PRKG1: variants seen among roughly 807,000 people sequenced by gnomAD.
PRKG1 encodes the protein protein kinase cGMP-dependent 1.
PRKG1 carries 35 observed loss-of-function variants against 88.1 expected under a neutral mutation model. That is an observed-to-expected ratio of 0.40 (90% CI 0.30 to 0.53). The LOEUF (loss-of-function observed/expected upper bound fraction) is 0.53, where lower values mean the gene tolerates loss of function less well. Among genes scored for constraint, PRKG1 ranks in the 20% least tolerant of loss-of-function variants. The probability of loss-of-function intolerance (pLI) is 0.59; values close to 1 mark genes in which losing one functional copy is unlikely to be tolerated. For missense variants in PRKG1, 540 were observed against 839.8 expected (o/e 0.64, Z 4.41); for synonymous variants, 303 against 292.5 (o/e 1.04, Z -0.37).
intron 1 of PRKG1, among the ~76,000 whole-genome samples, chr10:51,084,791 A>T (rs1844207692): frequency 6.6e-6 from 1 of 152,200 alleles, no homozygotes; most frequent in Non-Finnish European, 1.5e-5. Context: ...TTATAGTATC[A>T]TCCAGTCAGT....
intron 3 of PRKG1, among the ~76,000 whole-genome samples, chr10:51,481,469 T>C (rs1039365806): frequency 5.3e-5 from 8 of 152,088 alleles, no homozygotes; most frequent in Admixed American, 6.6e-5. Context: ...GGCTAATCTC[T>C]AACCCATGGC....
chr10:51,796,898 A>G lies in PRKG1; in HGVS notation c.593-7687A>G, dbSNP rs113613075. Among the ~76,000 whole-genome samples the G allele has an allele frequency of 3.4e-3, 521 of 152,194 alleles. 5 individuals are homozygous for G. Among genetic ancestry groups the G allele is most frequent in the African/African-American group, 0.012 (506 of 41,564 alleles). On this transcript the variant is annotated intron_variant, in intron 3 of 17. Coordinates refer to ENST00000373980, the MANE Select transcript of PRKG1 (RefSeq NM_006258.4). ...TTCATAAATACCCGCTTATGTGTCT[A>G]TATAGCCTGTTGGTTCTGTTTCTCT... is the stretch of plus-strand genomic sequence containing the variant.
intron 3 of PRKG1, among the ~76,000 whole-genome samples, chr10:51,473,435 A>G (rs1468881364): frequency 6.6e-6 from 1 of 151,860 alleles, no homozygotes; most frequent in African/African-American, 2.4e-5. Context: ...TTACAATCAA[A>G]GTGTATTTAT....
At chr10:52,183,513 G>A (rs1286840331) in intron 9 of PRKG1, among the ~76,000 whole-genome samples, 1 of 152,166 alleles carries the variant, frequency 6.6e-6, no homozygotes, top group Non-Finnish European at 1.5e-5. Flanking sequence ...TAGAAGTGTG[G>A]GTGGCAGGAG....
chr10:51,434,562 T>C (rs966679467), intron 2 of PRKG1, among the ~76,000 whole-genome samples: 1 of 152,108 alleles, frequency 6.6e-6, no homozygotes, highest in Non-Finnish European at 1.5e-5. Context: ...GGCTCTTCTT[T>C]ATGAGACTGA....
At chr10:52,128,500 C>A in intron 7 of PRKG1, 2 of 985,258 alleles carry the variant, frequency 2.0e-6, no homozygotes, top group Non-Finnish European at 2.4e-6. Context: ...TGGGATACAG[C>A]GATGATGAAG....
intron 3 of PRKG1, among the ~76,000 whole-genome samples, chr10:51,470,577 C>T (rs1366971529): frequency 6.6e-6 from 1 of 151,746 alleles, no homozygotes; most frequent in Non-Finnish European, 1.5e-5. Context: ...TAACTAAATC[C>T]TAGGTAGCAT....
At chr10:51,194,805 C>A (rs1589234544) in intron 2 of PRKG1, among the ~76,000 whole-genome samples, 1 of 152,016 alleles carries the variant, frequency 6.6e-6, no homozygotes, top group African/African-American at 2.4e-5. Context: ...CTTCTTGTTG[C>A]ATCATCTCAT....
intron 1 of PRKG1, among the ~76,000 whole-genome samples, chr10:51,094,082 T>A (rs1844465427): frequency 6.6e-6 from 1 of 152,050 alleles, no homozygotes; most frequent in Non-Finnish European, 1.5e-5. Context: ...GCTGTTTGTC[T>A]ATCCGGATCT....
intron 2 of PRKG1, among the ~76,000 whole-genome samples, chr10:51,439,759 G>A (rs2132744925): frequency 6.6e-6 from 1 of 151,992 alleles, no homozygotes; most frequent in Middle Eastern, 3.4e-3. Context: ...GAACCCAGAT[G>A]CCATTCTGAA....
chr10:51,870,380 T>C (rs1167060204), intron 4 of PRKG1, among the ~76,000 whole-genome samples: 1 of 152,054 alleles, frequency 6.6e-6, no homozygotes, highest in Non-Finnish European at 1.5e-5. Flanking sequence ...AAATATCCTC[T>C]GTTTTCTCTT....
At chr10:51,846,211 C>T (rs902107662) in intron 4 of PRKG1, among the ~76,000 whole-genome samples, 4 of 152,132 alleles carry the variant, frequency 2.6e-5, no homozygotes, top group South Asian at 4.1e-4. Flanking sequence ...TCCATCCCTT[C>T]GTAGACCAAA....
intron 1 of PRKG1, among the ~76,000 whole-genome samples, chr10:51,096,107 G>A (rs954193016): frequency 2.6e-5 from 4 of 151,954 alleles, no homozygotes; most frequent in Non-Finnish European, 5.9e-5. Context: ...AATAAATTTA[G>A]TAGTGTTTCT....
intron 3 of PRKG1, among the ~76,000 whole-genome samples, chr10:51,507,627 A>G (rs557728435): frequency 6.6e-6 from 1 of 152,254 alleles, no homozygotes; most frequent in Admixed American, 6.5e-5. Context: ...TAGGTTTGTT[A>G]AGGAGGTAAT....
intron 2 of PRKG1, among the ~76,000 whole-genome samples, chr10:51,316,188 G>A (rs1841312293): frequency 6.6e-6 from 1 of 152,098 alleles, no homozygotes; most frequent in South Asian, 2.1e-4. Flanking sequence ...TTATTCAAAT[G>A]TCCCCTTGGG....
intron 5 of PRKG1, among the ~76,000 whole-genome samples, chr10:51,930,545 C>T (rs1334991011): frequency 8.6e-6 from 1 of 116,096 alleles, no homozygotes; most frequent in African/African-American, 3.4e-5. Flanking sequence ...GGTTACAGTT[C>T]AGCGGCATGA....
chr10:51,474,148 A>G lies in PRKG1; in HGVS notation c.592+6312A>G, dbSNP rs1840128541. Among the ~76,000 whole-genome samples, 6 of 151,880 alleles carry G rather than the reference A, an allele frequency of 4.0e-5. No individual in the cohort carries two copies. The South Asian group carries it at 1.2e-3, about 32-fold the overall frequency. Reference sequence around the variant, plus strand: ...AGCTTTAGGGATGGGTGTTGTTGTTACCCCCATTTTATTGCAAAAGCAACT... The same window carrying G: ...AGCTTTAGGGATGGGTGTTGTTGTTGCCCCCATTTTATTGCAAAAGCAACT... On this transcript the variant is annotated intron_variant, in intron 3 of 17. Transcript: ENST00000373980.
chr10:51,961,265 C>G (rs1036095820), intron 5 of PRKG1, among the ~76,000 whole-genome samples: 3 of 152,150 alleles, frequency 2.0e-5, no homozygotes, highest in East Asian at 3.9e-4. Flanking sequence ...TTCTGCTGAA[C>G]CACAGATATG....
intron 5 of PRKG1, among the ~76,000 whole-genome samples, chr10:51,945,939 G>A (rs1843021881): frequency 6.7e-6 from 1 of 149,690 alleles, no homozygotes; most frequent in South Asian, 2.1e-4. Flanking sequence ...GTGTCTTGGA[G>A]TTGCTCTTCT....
Sources: allele counts gnomAD v4.1 joint callset (sites outside exome capture counted in the v4.1 genomes callset), GRCh38; gene constraint gnomAD v4.1.1; transcripts MANE v1.5; gene names NCBI Gene and HGNC (gene_info 2026-07-23, HGNC 2026-07-21).